The following DGKG variants were observed in gnomAD, a reference collection of about 807,000 sequenced individuals.
DGKG encodes the protein diacylglycerol kinase gamma.
DGKG carries 78 observed loss-of-function variants against 105.3 expected under a neutral mutation model. That is an observed-to-expected ratio of 0.74 (90% CI 0.62 to 0.89). The LOEUF is 0.89. Ranked by LOEUF, DGKG falls within the 40% of genes least tolerant of loss-of-function variation. The probability of loss-of-function intolerance (pLI) is 0.00; values close to 1 mark genes in which losing one functional copy is unlikely to be tolerated. For synonymous variants in DGKG, 346 were observed against 367.1 expected (o/e 0.94, Z 0.66); for missense variants, 958 against 1,020.1 (o/e 0.94, Z 0.83).
At chr3:186,299,793 C>CT (rs1226240202) in intron 3 of DGKG, among the ~76,000 whole-genome samples, 1 of 82,384 alleles carries the variant, frequency 1.2e-5, no homozygotes, top group Non-Finnish European at 2.4e-5. Context: ...TTCTTTCTTT[C>CT]TTTCTTTCTT....
chr3:186,343,458 T>A (rs1268897248), intron 1 of DGKG, among the ~76,000 whole-genome samples: 1 of 152,008 alleles, frequency 6.6e-6, no homozygotes, highest in Non-Finnish European at 1.5e-5. Context: ...GCCTTGCTAA[T>A]TTTTTTGTAT....
At chr3:186,157,064 T>G (rs533282404) in intron 24 of DGKG, among the ~76,000 whole-genome samples, 1 of 152,116 alleles carries the variant, frequency 6.6e-6, no homozygotes, top group South Asian at 2.1e-4. Flanking sequence ...TAAAAATACA[T>G]GTCTTGTTCA....
intron 22 of DGKG, among the ~76,000 whole-genome samples, chr3:186,177,130 C>T (rs2090394): frequency 0.49 from 74,904 of 152,110 alleles, 19,383 homozygotes; most frequent in East Asian, 0.8. Flanking sequence ...CATTAGTCTC[C>T]TCACTGGCCT....
intron 3 of DGKG, among the ~76,000 whole-genome samples, chr3:186,306,325 G>A (rs978313843): frequency 6.6e-6 from 1 of 152,142 alleles, no homozygotes; most frequent in Non-Finnish European, 1.5e-5. Context: ...ATGTTTACAT[G>A]TTGATGGAAA....
At chr3:186,250,823 T>C (rs2108561998) in intron 19 of DGKG, among the ~76,000 whole-genome samples, 1 of 152,268 alleles carries the variant, frequency 6.6e-6, no homozygotes, top group Non-Finnish European at 1.5e-5. Flanking sequence ...GTGCTGGGAT[T>C]GCAGGCGTGA....
At chr3:186,261,548 A>C in intron 15 of DGKG, 151 bp downstream of exon 15, 1 of 672,642 alleles carries the variant, frequency 1.5e-6, no homozygotes, top group Non-Finnish European at 2.7e-6. Context: ...CGGGGACATT[A>C]AGTCACTTGG....
In DGKG at chr3:186,148,533, T is replaced by A. The variant is rs1257878947; in HGVS notation, c.*1557A>T. 1.5e-5 allele frequency: 15 copies of A among 985,338 alleles called. No homozygotes were observed. The highest frequency in any genetic ancestry group is 1.7e-5 in the Non-Finnish European group (14 of 829,958). The allele number at this position is 985,338 out of a possible 1,614,324, so 61.0% of individuals were successfully genotyped here. On this transcript the variant is annotated 3_prime_UTR_variant, in exon 25 of 25. Transcript: ENST00000265022. ...GTTTGTTCCTCCCTGGCAACCTGGA[T>A]CCAAGTGGACTCACTTTTCAGTGAC...
chr3:186,220,443 C>T (rs1233937000), intron 20 of DGKG, among the ~76,000 whole-genome samples: 5 of 152,156 alleles, frequency 3.3e-5, no homozygotes, highest in South Asian at 2.1e-4. Context: ...ATACAAACCC[C>T]GTCTTCCAGC....
At chr3:186,153,060 G>C (rs560818997) in intron 24 of DGKG, among the ~76,000 whole-genome samples, 1 of 150,994 alleles carries the variant, frequency 6.6e-6, no homozygotes, top group Non-Finnish European at 1.5e-5. Context: ...GTACCTCCAG[G>C]GCACGGAAGA....
intron 19 of DGKG, among the ~76,000 whole-genome samples, chr3:186,244,872 C>A (rs1720864415): frequency 1.3e-5 from 2 of 152,152 alleles, no homozygotes; most frequent in Non-Finnish European, 2.9e-5. Flanking sequence ...CCAGACTGTA[C>A]CCACCTCCCA....
In DGKG at chr3:186,210,508, G is replaced by A. The variant is rs1553802256; in HGVS notation, c.1917+1287C>T. On this transcript the variant is annotated intron_variant, in intron 21 of 24. Coordinates refer to ENST00000265022, the MANE Select transcript of DGKG (RefSeq NM_001346.3). The surrounding 1 kb of genome is among the most constrained non-coding windows in gnomAD (Gnocchi z 5.2). The stretch of plus-strand genomic sequence containing the variant: ...AGTTCAGGGGATTAGCCAGATCGGC[G>A]CCTCCCACCCTGGCGTTGGTAACCC... 6.6e-6 allele frequency among the ~76,000 whole-genome samples: 1 copy of A among 152,206 alleles called. No homozygotes were observed. Among genetic ancestry groups the A allele is most frequent in the Non-Finnish European group, 1.5e-5 (1 of 68,042 alleles).
At chr3:186,298,343 T>C in intron 3 of DGKG, 114 bp from the exon 4 acceptor site, 1 of 1,011,284 alleles carries the variant, frequency 9.9e-7, no homozygotes, top group South Asian at 1.7e-5. Flanking sequence ...AGGGAGGCAG[T>C]AGGACATGGA....
chr3:186,199,348 T>C (rs76738019), intron 21 of DGKG, among the ~76,000 whole-genome samples: 12,541 of 152,192 alleles, frequency 0.082, 1,429 homozygotes, highest in African/African-American at 0.26. Flanking sequence ...TGCTGGTTTA[T>C]ATCATTTTAG....
At position 186,165,036 on chromosome 3, in the gene DGKG, A is replaced by G; in HGVS notation, c.2096-18T>C. The G allele has an allele frequency of 6.2e-7, 1 of 1,608,108 alleles. No individual in the cohort carries two copies. The highest frequency in any genetic ancestry group is 8.5e-7 in the Non-Finnish European group (1 of 1,177,678). On this transcript the variant is annotated intron_variant, in intron 22 of 24. Coordinates refer to ENST00000265022, the MANE Select transcript of DGKG (RefSeq NM_001346.3). ...ACTGAGGTCTGCAGAGCGAGACAGCAAAAGTAGTGCATACACATCTCTGTG... is the reference window on the plus strand; with the variant it reads ...ACTGAGGTCTGCAGAGCGAGACAGCGAAAGTAGTGCATACACATCTCTGTG...
chr3:186,222,969 A>C (rs1018399405), intron 20 of DGKG, among the ~76,000 whole-genome samples: 16 of 129,916 alleles, frequency 1.2e-4, no homozygotes, highest in Middle Eastern at 4.0e-3. Flanking sequence ...CAGGAAAACA[A>C]ACAAACAAAC....
intron 9 of DGKG, among the ~76,000 whole-genome samples, chr3:186,278,148 C>G (rs147650248): frequency 1.6e-3 from 237 of 152,094 alleles, no homozygotes; most frequent in Middle Eastern, 0.01. Context: ...GACAGCGGGT[C>G]TTTTCCATGC....
chr3:186,259,677 A>G (rs1721659738), intron 16 of DGKG, among the ~76,000 whole-genome samples: 2 of 151,812 alleles, frequency 1.3e-5, no homozygotes, highest in Admixed American at 6.5e-5. Flanking sequence ...AGCCCAGAGT[A>G]TGCAGACAGC....
At chr3:186,324,689 CAG>C (rs1560155375) in intron 1 of DGKG, among the ~76,000 whole-genome samples, 1 of 152,120 alleles carries the variant, frequency 6.6e-6, no homozygotes, top group Non-Finnish European at 1.5e-5. Flanking sequence ...AAGACAAAAA[CAG>C]ATACTGGTGA....
chr3:186,261,832 G>T, intron 14 of DGKG, 54 bp from the exon 15 acceptor site: 1 of 1,185,856 alleles, frequency 8.4e-7, no homozygotes, highest in Non-Finnish European at 1.2e-6. Flanking sequence ...TAGGGGGCGT[G>T]AGATGAGAGT....
Sources: gnomAD v4.1 joint callset for allele counts (sites outside exome capture counted in the v4.1 genomes callset) on GRCh38, gnomAD v4.1.1 for gene constraint, Gnocchi (gnomAD v3.1) non-coding constraint, MANE v1.5 for transcripts, NCBI Gene and HGNC (gene_info 2026-07-23, HGNC 2026-07-21) for gene names.